Variants in MYOM2 observed in about 807,000 individuals in gnomAD.
The protein encoded by MYOM2 is myomesin 2.
Under a neutral mutation model 187.6 loss-of-function variants are expected in MYOM2, and 254 were observed. That is an observed-to-expected ratio of 1.35 (90% CI 1.22 to 1.50). The LOEUF (loss-of-function observed/expected upper bound fraction) is 1.50, where lower values mean the gene tolerates loss of function less well. Among genes scored for constraint, MYOM2 ranks in the 40% most tolerant of loss-of-function variants. MYOM2 has a pLI of 0.00. For missense variants in MYOM2, 2,796 were observed against 1,924.0 expected, an observed-to-expected ratio of 1.45 and a Z score of -8.48; for synonymous variants, 981 against 753.8, an observed-to-expected ratio of 1.30 and a Z score of -4.94.
intron 5 of MYOM2, 135 bp from the exon 6 acceptor site, chr8:2,059,016 GCT>G: frequency 8.8e-6 from 6 of 682,280 alleles, no homozygotes; most frequent in Non-Finnish European, 1.5e-5. Flanking sequence ...CACCGTCAGG[GCT>G]CTGTCCTCCT....
At chr8:2,059,001 G>T in intron 5 of MYOM2, 152 bp from the exon 6 acceptor site, 1 of 634,694 alleles carries the variant, frequency 1.6e-6, no homozygotes, top group Non-Finnish European at 2.8e-6. Flanking sequence ...GCGAACTCTG[G>T]GCCTCACCGT....
chr8:2,119,388 G>T (rs1797350232), intron 28 of MYOM2: 1 of 152,494 alleles, frequency 6.6e-6, no homozygotes, highest in African/African-American at 2.4e-5. Context: ...AGTTCAGAGG[G>T]AAAGCAAGTG....
In MYOM2 at chr8:2,143,391, C is replaced by G; in HGVS notation, c.4025-10C>G. ...GATGTTTTCCTAACCAAGGTGCTTT[C>G]CCGTTGCAGATCGTGGCAGGTTGAT... On this transcript the variant is annotated splice_polypyrimidine_tract_variant and intron_variant, in intron 35 of 36. Transcript: ENST00000262113. 1 of 1,614,220 alleles carries G rather than the reference C, an allele frequency of 6.2e-7. No individual in the cohort carries two copies. Among genetic ancestry groups the G allele is most frequent in the Non-Finnish European group, 8.5e-7 (1 of 1,180,046 alleles).
At chr8:2,066,708 G>T (rs1819031355) in intron 6 of MYOM2, among the ~76,000 whole-genome samples, 1 of 152,232 alleles carries the variant, frequency 6.6e-6, no homozygotes, top group African/African-American at 2.4e-5. Context: ...GGATGCGTAT[G>T]TGAGTATTAT....
intron 4 of MYOM2, 58 bp downstream of exon 4, chr8:2,057,544 T>C: frequency 6.2e-7 from 1 of 1,613,136 alleles, no homozygotes; most frequent in Non-Finnish European, 8.5e-7. Context: ...TCTTAGCTTG[T>C]CTGCATGGTG....
At chr8:2,075,612 G>C (rs1247382574) in intron 10 of MYOM2, among the ~76,000 whole-genome samples, 3 of 152,178 alleles carry the variant, frequency 2.0e-5, no homozygotes, top group Non-Finnish European at 1.5e-5. Context: ...TGCTCTGTTG[G>C]TTTTCATGCA....
In MYOM2 at chr8:2,079,675, A is replaced by G. The variant is rs190588475; in HGVS notation, c.1516+62A>G. 126 of 1,536,894 alleles carry G rather than the reference A, an allele frequency of 8.2e-5. No individual in the cohort carries two copies. The African/African-American group carries it at 1.2e-3, about 15-fold the overall frequency. On this transcript the variant is annotated intron_variant, in intron 13 of 36. Transcript: ENST00000262113. ...TGGGGATTTGGAGTTGTAATTAGAG[A>G]TGGGAGAGATGGACAGAGAACGCCC...
At chr8:2,142,659 C>G (rs1019838148) in intron 35 of MYOM2, among the ~76,000 whole-genome samples, 5 of 151,024 alleles carry the variant, frequency 3.3e-5, no homozygotes, top group African/African-American at 9.7e-5. Flanking sequence ...GCCCAGACAC[C>G]CAGGGCCACT....
At chr8:2,134,893 A>G (rs904653663) in intron 32 of MYOM2, among the ~76,000 whole-genome samples, 1 of 152,090 alleles carries the variant, frequency 6.6e-6, no homozygotes, top group Non-Finnish European at 1.5e-5. Flanking sequence ...CTCCTGGACA[A>G]AGGTTGGCAT....
At chr8:2,138,927 C>T (rs891957188) in intron 32 of MYOM2, among the ~76,000 whole-genome samples, 5 of 152,054 alleles carry the variant, frequency 3.3e-5, no homozygotes, top group Non-Finnish European at 7.4e-5. Flanking sequence ...AGAACTCCCA[C>T]TTTCTATCCG....
chr8:2,140,987 T>C, intron 33 of MYOM2, 101 bp downstream of exon 33: 5 of 1,363,636 alleles, frequency 3.7e-6, no homozygotes, highest in Non-Finnish European at 4.9e-6. Flanking sequence ...ACAATATGAA[T>C]TTACAATTTT....
At chr8:2,095,765 C>G (rs938102497) in intron 17 of MYOM2, among the ~76,000 whole-genome samples, 1 of 152,152 alleles carries the variant, frequency 6.6e-6, no homozygotes, top group Non-Finnish European at 1.5e-5. Flanking sequence ...CAGGGAAACA[C>G]GGATTCACAC....
chr8:2,143,305 C>G, intron 35 of MYOM2, 96 bp from the exon 36 acceptor site: 1 of 1,375,238 alleles, frequency 7.3e-7, no homozygotes, highest in Non-Finnish European at 1.0e-6. Context: ...AACTCCTCAC[C>G]ACATTCACCT....
intron 21 of MYOM2, among the ~76,000 whole-genome samples, chr8:2,105,846 C>T (rs887680102): frequency 3.3e-5 from 5 of 152,118 alleles, no homozygotes; most frequent in East Asian, 1.9e-4. Flanking sequence ...TCCGTTCTCA[C>T]GCTGGTATGA....
Position 2,098,954 on chromosome 8 carries a change from A to T in MYOM2, c.2411A>T (p.Lys804Met), listed in dbSNP as rs1342237569. 14 of 1,613,504 alleles carry T rather than the reference A, an allele frequency of 8.7e-6. No individual in the cohort carries two copies. The highest frequency in any genetic ancestry group is 1.2e-5 in the Non-Finnish European group (14 of 1,179,796). Residue 804 changes from lysine to methionine, a missense_variant, in exon 19 of 37, where the codon AAG (lysine) becomes ATG (methionine). Coordinates refer to ENST00000262113, the MANE Select transcript of MYOM2 (RefSeq NM_003970.4). ...GEPSDPSEHF[K>M]CEAWTMPEPG... is the part of the protein sequence containing the mutation. Reference sequence around the variant, plus strand: ...CCCTCAGATCCCAGTGAGCACTTCAAGTGTGAGGCCTGGACCATGCCGGAG... The same window carrying T: ...CCCTCAGATCCCAGTGAGCACTTCATGTGTGAGGCCTGGACCATGCCGGAG...
intron 15 of MYOM2, among the ~76,000 whole-genome samples, chr8:2,091,460 G>T (rs193195712): frequency 6.6e-6 from 1 of 152,302 alleles, no homozygotes; most frequent in Admixed American, 6.5e-5. Context: ...GTGGATGGCA[G>T]TTAACTAGCA....
rs1277871055 is a variant in MYOM2, at chr8:2,106,333, C to T, written c.2826C>T (p.Thr942=). ...AAATGACAGACGCGTCTCAGTTCAC[C>T]TGGTGTAAATCCTACGAGGAGATTT... is the stretch of plus-strand genomic sequence containing the variant. The part of the protein sequence containing the change: ...CQEMTDASQF[T]WCKSYEEISD... Residue 942 remains threonine (T), a synonymous_variant, in exon 22 of 37, where the codon ACC becomes ACT. Transcript: ENST00000262113. 7.4e-6 allele frequency: 12 copies of T among 1,614,046 alleles called. No homozygotes were observed. Among genetic ancestry groups the T allele is most frequent in the African/African-American group, 5.3e-5 (4 of 74,940 alleles).
chr8:2,123,760 C>A, intron 30 of MYOM2, 118 bp downstream of exon 30: 1 of 833,186 alleles, frequency 1.2e-6, no homozygotes, highest in Non-Finnish European at 1.9e-6. Context: ...GTGTCTTTAG[C>A]AGTAACACTG....
At chr8:2,062,102 G>T (rs909019735) in intron 6 of MYOM2, among the ~76,000 whole-genome samples, 3 of 152,222 alleles carry the variant, frequency 2.0e-5, no homozygotes, top group African/African-American at 7.2e-5. Context: ...TGGGCCCCCT[G>T]GCACAAAGGC....
Sources: allele counts gnomAD v4.1 joint callset (sites outside exome capture counted in the v4.1 genomes callset), GRCh38; gene constraint gnomAD v4.1.1; transcripts MANE v1.5; gene names NCBI Gene and HGNC (gene_info 2026-07-23, HGNC 2026-07-21).